Variants in ST3GAL3 observed in about 807,000 individuals in gnomAD.
ST3GAL3 encodes the protein ST3 beta-galactoside alpha-2,3-sialyltransferase 3.
A neutral mutation model predicts 50.1 loss-of-function variants in ST3GAL3; 21 were observed. That is an observed-to-expected ratio of 0.42 (90% confidence interval 0.30 to 0.60). The LOEUF is 0.60. Ranked by LOEUF, ST3GAL3 falls within the 20% of genes least tolerant of loss-of-function variation. The probability of loss-of-function intolerance (pLI) is 0.19; values close to 1 mark genes in which losing one functional copy is unlikely to be tolerated. For synonymous variants in ST3GAL3, 183 were observed against 190.0 expected, an observed-to-expected ratio of 0.96 and a Z score of 0.30; for missense variants, 353 against 489.4, an observed-to-expected ratio of 0.72 and a Z score of 2.63.
intron 5 of ST3GAL3, among the ~76,000 whole-genome samples, chr1:43,877,412 G>A (rs2154252864): frequency 6.6e-6 from 1 of 152,258 alleles, no homozygotes; most frequent in Non-Finnish European, 1.5e-5. Flanking sequence ...GAAACACACA[G>A]AGGCCACATT....
intron 5 of ST3GAL3, among the ~76,000 whole-genome samples, chr1:43,874,818 G>GAA (rs2073753527): frequency 6.6e-6 from 1 of 152,172 alleles, no homozygotes. Context: ...TTATCTATGG[G>GAA]AACAAGAATG....
At position 43,792,175 on chromosome 1, in the gene ST3GAL3, C is replaced by G. The variant is rs201960656; in HGVS notation, c.166+26C>G. 8.6e-5 allele frequency: 139 copies of G among 1,613,992 alleles called. 1 individual carries two copies. The South Asian group carries it at 1.5e-3, about 17-fold the overall frequency. On this transcript the variant is annotated intron_variant, in intron 3 of 11. Transcript: ENST00000347631. ...GTACCAACTCTTCCCCCTCTATCAT[C>G]TTTTTGGCCTTCAATATTAGCCATA...
At chr1:43,803,722 A>T (rs1401361487) in intron 3 of ST3GAL3, among the ~76,000 whole-genome samples, 1 of 152,190 alleles carries the variant, frequency 6.6e-6, no homozygotes, top group Non-Finnish European at 1.5e-5. Flanking sequence ...ATCTAGACTG[A>T]CTTATTCCTT....
chr1:43,832,795 C>G (rs1264917475), intron 4 of ST3GAL3, among the ~76,000 whole-genome samples: 5 of 152,192 alleles, frequency 3.3e-5, no homozygotes, highest in African/African-American at 9.7e-5. Context: ...CTCCTCATGT[C>G]ATTATCCCAG....
chr1:43,740,195 C>T (rs1372827159), intron 2 of ST3GAL3, among the ~76,000 whole-genome samples: 1 of 151,946 alleles, frequency 6.6e-6, no homozygotes, highest in Admixed American at 6.6e-5. Context: ...AACCCCGTCT[C>T]TATTAAAAAT....
At chr1:43,733,872 T>C (rs1677015933) in intron 1 of ST3GAL3, among the ~76,000 whole-genome samples, 1 of 152,168 alleles carries the variant, frequency 6.6e-6, no homozygotes, top group South Asian at 2.1e-4. Flanking sequence ...TCCCAGCACT[T>C]TGGGAGGCCG....
intron 3 of ST3GAL3, among the ~76,000 whole-genome samples, chr1:43,810,401 G>A (rs80204008): frequency 0.019 from 2,964 of 152,160 alleles, 48 homozygotes; most frequent in Non-Finnish European, 0.029. Context: ...CGGGTAGGCC[G>A]GGTGGTTGGA....
At chr1:43,898,451 A>T (rs2077715266) in intron 7 of ST3GAL3, 153 bp downstream of exon 7, 3 of 780,440 alleles carry the variant, frequency 3.8e-6, no homozygotes, top group Non-Finnish European at 6.6e-6. Context: ...GGAGCAGGTA[A>T]GTGGAACCAC....
At chr1:43,917,474 A>ATATATAATATATATAATATAT (rs2082037263) in intron 9 of ST3GAL3, among the ~76,000 whole-genome samples, 1 of 80,124 alleles carries the variant, frequency 1.2e-5, no homozygotes, top group African/African-American at 4.9e-5. Context: ...ATAATATATA[A>ATATATAATATATATAATATAT]TATATATAAT....
chr1:43,829,455 C>G (rs1242742344), intron 4 of ST3GAL3, among the ~76,000 whole-genome samples: 2 of 152,122 alleles, frequency 1.3e-5, no homozygotes, highest in African/African-American at 4.8e-5. Context: ...TCAGCCAGGT[C>G]TCCTCATTTC....
At chr1:43,709,345 C>A (rs1663363168) in intron 1 of ST3GAL3, 1 of 152,186 alleles carries the variant, frequency 6.6e-6, no homozygotes, top group African/African-American at 2.4e-5. Flanking sequence ...CTGTAGCTAA[C>A]TATCAGGAAT....
intron 5 of ST3GAL3, chr1:43,879,384 T>C (rs1484593766): frequency 4.4e-6 from 2 of 456,132 alleles, no homozygotes; most frequent in Non-Finnish European, 8.8e-6. Flanking sequence ...TGGTTGATGA[T>C]TTATCATCCT....
intron 9 of ST3GAL3, chr1:43,914,285 G>A (rs6674176): frequency 0.64 from 97,817 of 152,022 alleles, 35,883 homozygotes; most frequent in Non-Finnish European, 0.82. Context: ...AGCTGTGCGT[G>A]TACCCTGACG....
At chr1:43,807,446 A>G (rs1319381078) in intron 3 of ST3GAL3, among the ~76,000 whole-genome samples, 3 of 151,752 alleles carry the variant, frequency 2.0e-5, no homozygotes, top group African/African-American at 7.3e-5. Flanking sequence ...ATAAATAAAT[A>G]AATAAAGTAG....
chr1:43,726,052 A>G (rs575578415), intron 1 of ST3GAL3, among the ~76,000 whole-genome samples: 1 of 152,210 alleles, frequency 6.6e-6, no homozygotes, highest in South Asian at 2.1e-4. Flanking sequence ...ATAAACTCTC[A>G]TTTAGATGTT....
intron 5 of ST3GAL3, among the ~76,000 whole-genome samples, chr1:43,847,926 C>T (rs969515234): frequency 6.6e-6 from 1 of 152,156 alleles, no homozygotes; most frequent in Non-Finnish European, 1.5e-5. Context: ...TATCCTCTTT[C>T]TTCTGCCTGA....
At chr1:43,901,923 C>G (rs2078341010) in intron 9 of ST3GAL3, among the ~76,000 whole-genome samples, 1 of 152,190 alleles carries the variant, frequency 6.6e-6, no homozygotes. Flanking sequence ...CAGAGGAATG[C>G]CGGGGTTGCC....
At chr1:43,715,146 T>C (rs1202084102) in intron 1 of ST3GAL3, among the ~76,000 whole-genome samples, 1 of 152,164 alleles carries the variant, frequency 6.6e-6, no homozygotes, top group Admixed American at 6.5e-5. Context: ...AATGTAGCAG[T>C]TGTTCTCTTT....
chr1:43,834,025 G>C (rs1047512449), intron 4 of ST3GAL3, among the ~76,000 whole-genome samples: 3 of 152,008 alleles, frequency 2.0e-5, no homozygotes, highest in African/African-American at 7.3e-5. Context: ...GCCGGGCGCG[G>C]TGGCAGGCGC....
Sources: allele counts gnomAD v4.1 joint callset (sites outside exome capture counted in the v4.1 genomes callset), GRCh38; gene constraint gnomAD v4.1.1; transcripts MANE v1.5; gene names NCBI Gene and HGNC (gene_info 2026-07-23, HGNC 2026-07-21).